Variants in PLEKHG1 observed in about 807,000 individuals in gnomAD.
PLEKHG1 encodes the protein pleckstrin homology domain-containing family G member 1.
Under a neutral mutation model 100.8 loss-of-function variants are expected in PLEKHG1, and 44 were observed. The ratio of observed to expected loss-of-function variants is 0.44; its 90% CI spans 0.34 to 0.56. The LOEUF (loss-of-function observed/expected upper bound fraction) is 0.56, where lower values mean the gene tolerates loss of function less well. Among genes scored for constraint, PLEKHG1 ranks in the 20% least tolerant of loss-of-function variants. PLEKHG1 has a pLI of 0.01. For missense variants in PLEKHG1, 1,545 were observed against 1,720.9 expected (o/e 0.90, Z 1.81); for synonymous variants, 640 against 662.5 (o/e 0.97, Z 0.52).
At chr6:150,790,972 G>A (rs1393273264) in intron 4 of PLEKHG1, among the ~76,000 whole-genome samples, 1 of 152,108 alleles carries the variant, frequency 6.6e-6, no homozygotes, top group Admixed American at 6.5e-5. Context: ...GCAGTGAGCC[G>A]AGATCGTGCC....
chr6:150,665,484 G>T (rs1779359621), intron 3 of PLEKHG1, among the ~76,000 whole-genome samples: 2 of 151,954 alleles, frequency 1.3e-5, no homozygotes, highest in African/African-American at 4.8e-5. Flanking sequence ...CAAAAAATTA[G>T]CTGGGCATGG....
chr6:150,827,823 G>C, intron 14 of PLEKHG1: 1 of 1,420,344 alleles, frequency 7.0e-7, no homozygotes, highest in Non-Finnish European at 9.9e-7. Context: ...TATGACTTTG[G>C]AAGAGCTGGA....
chr6:150,704,411 C>G (rs1258638011), intron 3 of PLEKHG1, among the ~76,000 whole-genome samples: 2 of 152,222 alleles, frequency 1.3e-5, no homozygotes, highest in African/African-American at 2.4e-5. Context: ...CTGCCTAGTT[C>G]TATTCACAAT....
intron 3 of PLEKHG1, among the ~76,000 whole-genome samples, chr6:150,779,344 G>GTTTGTTTTTTTTTGTTT (rs1257363893): frequency 1.9e-5 from 2 of 104,540 alleles, no homozygotes; most frequent in African/African-American, 4.3e-5. Context: ...TTGTCAAGAA[G>GTTTGTTTTTTTTTGTTT]TTTTTTTTTT....
chr6:150,602,871 A>G (rs897345349), intron 1 of PLEKHG1, among the ~76,000 whole-genome samples: 1 of 152,112 alleles, frequency 6.6e-6, no homozygotes, highest in Non-Finnish European at 1.5e-5. Context: ...AGAAAAAATT[A>G]TAGATCGAGA....
At chr6:150,615,873 A>G (rs1777055204) in intron 1 of PLEKHG1, among the ~76,000 whole-genome samples, 2 of 152,222 alleles carry the variant, frequency 1.3e-5, no homozygotes. Flanking sequence ...GCTTATCACC[A>G]CTAGTCCAGG....
chr6:150,667,133 C>T (rs1248649832), intron 3 of PLEKHG1, among the ~76,000 whole-genome samples: 1 of 151,898 alleles, frequency 6.6e-6, no homozygotes, highest in Non-Finnish European at 1.5e-5. Flanking sequence ...TTAGGGATGC[C>T]AAGCTATTTA....
At chr6:150,759,648 A>T (rs1450567592) in intron 2 of PLEKHG1, among the ~76,000 whole-genome samples, 1 of 152,150 alleles carries the variant, frequency 6.6e-6, no homozygotes, top group East Asian at 1.9e-4. Flanking sequence ...TGCGGTGAAG[A>T]TGAAATGAGA....
At chr6:150,747,676 C>G (rs928887339) in intron 2 of PLEKHG1, among the ~76,000 whole-genome samples, 17 of 151,976 alleles carry the variant, frequency 1.1e-4, no homozygotes, top group Admixed American at 2.0e-4. Context: ...GGGTGGATCC[C>G]CTGAGGTCAG....
At chr6:150,775,562 G>A (rs1388373309) in intron 3 of PLEKHG1, among the ~76,000 whole-genome samples, 1 of 152,142 alleles carries the variant, frequency 6.6e-6, no homozygotes, top group Admixed American at 6.5e-5. Flanking sequence ...TACAACAGAG[G>A]CAATAAGCCA....
chr6:150,749,575 A>G (rs1181335721), intron 2 of PLEKHG1, among the ~76,000 whole-genome samples: 1 of 152,200 alleles, frequency 6.6e-6, no homozygotes, highest in African/African-American at 2.4e-5. Flanking sequence ...GAGACTTTCT[A>G]GGCTCATCTG....
chr6:150,668,355 T>G (rs556391049), intron 3 of PLEKHG1, among the ~76,000 whole-genome samples: 1 of 152,240 alleles, frequency 6.6e-6, no homozygotes, highest in East Asian at 1.9e-4. Context: ...TGTAGTCCAG[T>G]TCCAAAAAAA....
Position 150,697,608 on chromosome 6 carries a change from T to C in PLEKHG1, c.-98-35976T>C, listed in dbSNP as rs147132619. Among the ~76,000 whole-genome samples, 8 of 152,308 alleles carry C rather than the reference T, an allele frequency of 5.3e-5. No homozygotes were observed. In the East Asian group the frequency reaches 1.4e-3, roughly 26 times the overall value. On this transcript the variant is annotated intron_variant, in intron 3 of 3. Coordinates refer to the PLEKHG1 transcript ENST00000367326. ...CCCAAACCAGAAGTTTGGTTGGTCA[T>C]TCAGAATTCAGATGGTCCCAGCAGG...
chr6:150,836,489 GT>G (rs1777226381), intron 15 of PLEKHG1, among the ~76,000 whole-genome samples: 1 of 152,160 alleles, frequency 6.6e-6, no homozygotes. Flanking sequence ...TCTATAGGGA[GT>G]TGAACAAAAT....
chr6:150,823,720 C>A (rs887377394), intron 14 of PLEKHG1, 44 bp downstream of exon 15: 76 of 1,490,048 alleles, frequency 5.1e-5, no homozygotes, highest in Non-Finnish European at 6.7e-5. Context: ...TCACTTCAGG[C>A]ACCTTTCATA....
At chr6:150,769,850 G>A (rs186244589) in intron 3 of PLEKHG1, among the ~76,000 whole-genome samples, 196 of 151,992 alleles carry the variant, frequency 1.3e-3, no homozygotes, top group African/African-American at 4.2e-3. Context: ...CATGGCACTC[G>A]TCAATTTTTA....
At chr6:150,783,342 C>T (rs1387174516) in intron 3 of PLEKHG1, among the ~76,000 whole-genome samples, 3 of 150,412 alleles carry the variant, frequency 2.0e-5, no homozygotes, top group African/African-American at 7.3e-5. Flanking sequence ...GAGGAAATAT[C>T]AAAGACATAA....
chr6:150,686,730 T>TGGGCGGGAGATGA (rs976532662), intron 3 of PLEKHG1: 17 of 152,278 alleles, frequency 1.1e-4, no homozygotes, highest in Admixed American at 8.5e-4. Flanking sequence ...GATGAGAATG[T>TGGGCGGGAGATGA]GGGCGGGAGA....
At chr6:150,804,998 C>T (rs988675183) in intron 7 of PLEKHG1, among the ~76,000 whole-genome samples, 21 of 151,426 alleles carry the variant, frequency 1.4e-4, no homozygotes, top group Admixed American at 2.0e-4. Flanking sequence ...TGCAATGGCA[C>T]GATCTCCACT....
Sources: gnomAD v4.1 joint callset for allele counts (sites outside exome capture counted in the v4.1 genomes callset) on GRCh38, gnomAD v4.1.1 for gene constraint, MANE v1.5 for transcripts, NCBI Gene and HGNC (gene_info 2026-07-23, HGNC 2026-07-21) for gene names.